The following COL4A3 variants were observed in gnomAD, a reference collection of about 807,000 sequenced individuals.
COL4A3 encodes the protein collagen alpha-3(IV) chain.
In COL4A3, 135 loss-of-function variants were observed where a neutral mutation model predicts 217.4. That is an observed-to-expected ratio of 0.62 (90% CI 0.54 to 0.72). The LOEUF (loss-of-function observed/expected upper bound fraction) is 0.72. Ranked by LOEUF, COL4A3 falls within the 30% of genes least tolerant of loss-of-function variation. The probability of loss-of-function intolerance (pLI) is 0.00; values close to 1 mark genes in which losing one functional copy is unlikely to be tolerated. For missense variants in COL4A3, 1,868 were observed against 2,119.9 expected, an observed-to-expected ratio of 0.88 and a Z score of 2.33; for synonymous variants, 690 against 736.3, an observed-to-expected ratio of 0.94 and a Z score of 1.02.
chr2:227,273,371 G>A (rs1055604678), intron 26 of COL4A3, among the ~76,000 whole-genome samples: 1 of 151,974 alleles, frequency 6.6e-6, no homozygotes, highest in African/African-American at 2.4e-5. Flanking sequence ...ATATATATAT[G>A]AAATGAATAG....
chr2:227,181,531 T>C (rs2065867292), intron 1 of COL4A3, among the ~76,000 whole-genome samples: 1 of 152,212 alleles, frequency 6.6e-6, no homozygotes. Context: ...TTGAGATATA[T>C]AGATAAAAGT....
At chr2:227,218,764 T>C (rs1301504382) in intron 1 of COL4A3, among the ~76,000 whole-genome samples, 1 of 152,200 alleles carries the variant, frequency 6.6e-6, no homozygotes, top group Non-Finnish European at 1.5e-5. Context: ...ATAAAAGATA[T>C]CTGATGCTTA....
intron 1 of COL4A3, among the ~76,000 whole-genome samples, chr2:227,192,794 T>C (rs2066296367): frequency 6.6e-6 from 1 of 152,178 alleles, no homozygotes; most frequent in African/African-American, 2.4e-5. Context: ...TCAACCCAAA[T>C]AAGAGTTTGG....
chr2:227,218,336 G>C (rs2067615874), intron 1 of COL4A3, among the ~76,000 whole-genome samples: 1 of 151,880 alleles, frequency 6.6e-6, no homozygotes, highest in Non-Finnish European at 1.5e-5. Flanking sequence ...CGTGGTGGTG[G>C]GCGCCTGTAG....
chr2:227,280,023 AT>A (rs1244857373), intron 29 of COL4A3, 133 bp downstream of exon 29: 15 of 647,232 alleles, frequency 2.3e-5, no homozygotes, highest in African/African-American at 2.2e-4. Flanking sequence ...AAGATATTAA[AT>A]TTTTTAAATG....
At chr2:227,190,291 G>A (rs1233668427) in intron 1 of COL4A3, among the ~76,000 whole-genome samples, 1 of 152,166 alleles carries the variant, frequency 6.6e-6, no homozygotes, top group African/African-American at 2.4e-5. Flanking sequence ...TGGCGTGCCT[G>A]CTCCATGATA....
chr2:227,307,962 C>A, intron 48 of COL4A3, 43 bp downstream of exon 48: 1 of 1,553,288 alleles, frequency 6.4e-7, no homozygotes, highest in Non-Finnish European at 8.9e-7. Flanking sequence ...GTTCCACATG[C>A]AGATTGTAAA....
intron 5 of COL4A3, chr2:227,245,613 GAAT>G (rs946616587): frequency 8.7e-5 from 33 of 381,290 alleles, no homozygotes; most frequent in African/African-American, 6.6e-4. Flanking sequence ...TAATAGCACA[GAAT>G]AATAAAATAG....
In COL4A3 at chr2:227,251,312, A is replaced by G; in HGVS notation, c.610-24A>G. The G allele has an allele frequency of 3.1e-6, 5 of 1,612,714 alleles. No individual in the cohort carries two copies. The East Asian group carries it at 1.1e-4, about 36-fold the overall frequency. Reference sequence around the variant, plus strand: ...CTGGTTGGATGCATTTCCTGCTGTGATTTTCATTTGTGGATTTTTCTAGGG... The same window carrying G: ...CTGGTTGGATGCATTTCCTGCTGTGGTTTTCATTTGTGGATTTTTCTAGGG... On this transcript the variant is annotated intron_variant, in intron 10 of 51. Coordinates refer to ENST00000396578, the MANE Select transcript of COL4A3 (RefSeq NM_000091.5).
chr2:227,282,608 C>T lies in COL4A3; in HGVS notation c.2656+76C>T. 1 of 1,325,602 alleles carries T rather than the reference C, an allele frequency of 7.5e-7. No homozygotes were observed. The highest frequency in any genetic ancestry group is 1.2e-5 in the South Asian group (1 of 84,350). The allele number at this position is 1,325,602 out of a possible 1,614,324, so 82.1% of individuals were successfully genotyped here. ...GGTGGCTCTGTCAACTGTACATAGG[C>T]ATACGCTTTTTACTCTATGCTTTTA... On this transcript the variant is annotated intron_variant, in intron 32 of 51. Transcript: ENST00000396578. The surrounding 1 kb of genome is among the most constrained non-coding windows in gnomAD (Gnocchi z 4.4).
chr2:227,213,155 GT>G lies in COL4A3; in HGVS notation c.88-24810del, dbSNP rs1333363655. On this transcript the variant is annotated intron_variant, in intron 1 of 51. Transcript: ENST00000396578. ...TATTTTAGGGTACAGTGAAAATTAA[GT>G]TTCTTAGGATGCCTTAAATAGCTGA... Among the ~76,000 whole-genome samples the G allele has an allele frequency of 1.8e-4, 28 of 152,298 alleles. No individual in the cohort carries two copies. The South Asian group carries it at 5.8e-3, about 32-fold the overall frequency.
intron 1 of COL4A3, among the ~76,000 whole-genome samples, chr2:227,188,300 G>A (rs1044483330): frequency 6.6e-6 from 1 of 151,794 alleles, no homozygotes; most frequent in African/African-American, 2.4e-5. Flanking sequence ...GGTAACATTT[G>A]GACATTGTAT....
chr2:227,300,165 A>G (rs751869336), intron 43 of COL4A3, among the ~76,000 whole-genome samples: 1 of 152,202 alleles, frequency 6.6e-6, no homozygotes, highest in African/African-American at 2.4e-5. Flanking sequence ...AGAAGTAAGA[A>G]GTCAATACCC....
chr2:227,234,166 T>C (rs1333492954), intron 1 of COL4A3, among the ~76,000 whole-genome samples: 2 of 151,912 alleles, frequency 1.3e-5, no homozygotes, highest in Non-Finnish European at 2.9e-5. Flanking sequence ...GAAAGTGGTG[T>C]ATGTGTATGT....
intron 3 of COL4A3, among the ~76,000 whole-genome samples, chr2:227,241,276 C>T (rs2069003257): frequency 6.6e-6 from 1 of 152,210 alleles, no homozygotes; most frequent in Non-Finnish European, 1.5e-5. Flanking sequence ...ACATTCATTC[C>T]CCTGACTACT....
rs1446634445 is a variant in COL4A3, at chr2:227,279,817, A to G, written c.2150A>G (p.Lys717Arg). ...PKGDQGFPGT[K>R]GSLGCPGKMG... ...GGAGACCAAGGTTTTCCAGGTACAA[A>G]AGGATCACTGGGTTGTCCTGGAAAA... The change falls in exon 29 of 52, where the codon AAA (lysine) becomes AGA (arginine). Residue 717 changes from lysine to arginine, a missense_variant. By Grantham distance (26) the Lys-to-Arg change is conservative. Transcript: ENST00000396578. 2.5e-6 allele frequency: 4 copies of G among 1,609,834 alleles called. No homozygotes were observed. In the African/African-American group the frequency reaches 4.0e-5, roughly 16 times the overall value.
chr2:227,256,485 G>T, intron 17 of COL4A3, 89 bp downstream of exon 17: 1 of 1,044,216 alleles, frequency 9.6e-7, no homozygotes, highest in East Asian at 2.4e-5. Context: ...AAGTACAAGG[G>T]ATTACAATAA....
intron 1 of COL4A3, among the ~76,000 whole-genome samples, chr2:227,202,591 C>A (rs935095203): frequency 6.6e-6 from 1 of 151,140 alleles, no homozygotes; most frequent in South Asian, 2.1e-4. Flanking sequence ...AAAAATTAGC[C>A]GGGCGCGGTG....
chr2:227,217,412 C>G (rs551514070), intron 1 of COL4A3, among the ~76,000 whole-genome samples: 4 of 152,326 alleles, frequency 2.6e-5, no homozygotes, highest in African/African-American at 9.6e-5. Context: ...AATTTGTAAG[C>G]ACATTATTCA....
Sources: allele counts gnomAD v4.1 joint callset (sites outside exome capture counted in the v4.1 genomes callset), GRCh38; gene constraint gnomAD v4.1.1; non-coding constraint Gnocchi (gnomAD v3.1); transcripts MANE v1.5; gene names NCBI Gene and HGNC (gene_info 2026-07-23, HGNC 2026-07-21).